The following PCDH15 variants were observed in gnomAD, a reference collection of about 807,000 sequenced individuals.
The protein encoded by PCDH15 is protocadherin-15.
PCDH15 carries 129 observed loss-of-function variants against 178.5 expected under a neutral mutation model. The ratio of observed to expected loss-of-function variants is 0.72; its 90% CI spans 0.63 to 0.84. The LOEUF is 0.84. Ranked by LOEUF, PCDH15 falls within the 40% of genes least tolerant of loss-of-function variation. PCDH15 has a pLI of 0.00. For synonymous variants in PCDH15, 800 were observed against 732.0 expected (o/e 1.09, Z -1.50); for missense variants, 2,230 against 2,099.9 (o/e 1.06, Z -1.21).
chr10:55,016,697 G>A (rs1236670535), intron 2 of PCDH15, among the ~76,000 whole-genome samples: 1 of 152,128 alleles, frequency 6.6e-6, no homozygotes, highest in Non-Finnish European at 1.5e-5. Flanking sequence ...TGTGAACAGT[G>A]TTGCAATAAA....
At chr10:55,199,752 C>T (rs1387391679) in intron 1 of PCDH15, among the ~76,000 whole-genome samples, 3 of 152,064 alleles carry the variant, frequency 2.0e-5, no homozygotes, top group South Asian at 2.1e-4. Flanking sequence ...GGACATAGCA[C>T]CCTGCATCCC....
At chr10:54,497,199 A>G (rs1379840190) in intron 3 of PCDH15, among the ~76,000 whole-genome samples, 1 of 152,010 alleles carries the variant, frequency 6.6e-6, no homozygotes, top group Non-Finnish European at 1.5e-5. Flanking sequence ...CCCTGAAAGC[A>G]TAAAGAAAGA....
At chr10:54,284,572 A>T (rs1193133182) in intron 8 of PCDH15, among the ~76,000 whole-genome samples, 2 of 152,176 alleles carry the variant, frequency 1.3e-5, no homozygotes, top group African/African-American at 4.8e-5. Context: ...CCTTTTATAG[A>T]ACGTAACATA....
intron 1 of PCDH15, among the ~76,000 whole-genome samples, chr10:54,702,323 C>T (rs1325834842): frequency 6.6e-6 from 1 of 151,504 alleles, no homozygotes; most frequent in East Asian, 1.9e-4. Context: ...CAAAAATAAA[C>T]AAACCCTAAA....
At chr10:54,771,813 C>T (rs1483641612) in intron 1 of PCDH15, among the ~76,000 whole-genome samples, 1 of 152,058 alleles carries the variant, frequency 6.6e-6, no homozygotes, top group Non-Finnish European at 1.5e-5. Context: ...CAAAAGACAT[C>T]TTTTATTTGC....
At chr10:55,275,342 AT>A (rs1194948967) in intron 1 of PCDH15, among the ~76,000 whole-genome samples, 2 of 151,830 alleles carry the variant, frequency 1.3e-5, no homozygotes, top group Admixed American at 6.6e-5. Context: ...CTGCTGTTGA[AT>A]TTATCAATTG....
rs1394050105 is a variant in PCDH15, at chr10:55,138,022, A to AT, written c.-80+28553_-80+28554insA. On this transcript the variant is annotated intron_variant, in intron 2 of 5. Transcript: ENST00000458638. The stretch of plus-strand genomic sequence containing the variant: ...TTTATTATTTTTCTTCCCTGCAGGT[A>AT]CTTTTCTAGATGCAGGTAAGTTTTG... 3.0e-4 allele frequency among the ~76,000 whole-genome samples: 45 copies of AT among 152,128 alleles called. 1 individual carries two copies. The highest frequency in any genetic ancestry group is 6.7e-4 in the African/African-American group (28 of 41,500).
At chr10:54,827,473 A>T (rs995808649) in intron 3 of PCDH15, among the ~76,000 whole-genome samples, 6 of 152,092 alleles carry the variant, frequency 3.9e-5, no homozygotes, top group Non-Finnish European at 7.4e-5. Context: ...AAGTGTCTTC[A>T]TTCTGCTAAT....
chr10:54,142,919 T>C (rs2043543582), intron 14 of PCDH15, among the ~76,000 whole-genome samples: 2 of 152,184 alleles, frequency 1.3e-5, no homozygotes, highest in Admixed American at 6.5e-5. Flanking sequence ...TGTTTTTGTT[T>C]TATTATTTTG....
At chr10:55,369,662 C>A (rs1414832733) in intron 2 of PCDH15, among the ~76,000 whole-genome samples, 2 of 151,786 alleles carry the variant, frequency 1.3e-5, no homozygotes, top group Non-Finnish European at 2.9e-5. Flanking sequence ...TACTTTGATA[C>A]CTACAAATTT....
intron 2 of PCDH15, among the ~76,000 whole-genome samples, chr10:54,537,784 T>G (rs2084744703): frequency 6.6e-6 from 1 of 152,126 alleles, no homozygotes; most frequent in Non-Finnish European, 1.5e-5. Flanking sequence ...CATCTTTTGT[T>G]TTTTGACTTC....
chr10:53,865,399 G>T (rs1467765878), intron 27 of PCDH15, among the ~76,000 whole-genome samples: 1 of 152,118 alleles, frequency 6.6e-6, no homozygotes, highest in Non-Finnish European at 1.5e-5. Context: ...CATCCTGGTA[G>T]GAACAAAAGA....
intron 3 of PCDH15, among the ~76,000 whole-genome samples, chr10:54,392,468 CAAAAAAAAAAAAA>C (rs71007849): frequency 9.1e-5 from 6 of 66,116 alleles, no homozygotes; most frequent in Admixed American, 5.8e-4. Context: ...GAGGCTGTCT[CAAAAAAAAAAAAA>C]AAAAAAAAAA....
intron 2 of PCDH15, among the ~76,000 whole-genome samples, chr10:55,042,451 A>T (rs1840888004): frequency 6.6e-6 from 1 of 152,170 alleles, no homozygotes; most frequent in South Asian, 2.1e-4. Context: ...TCATTGCAGT[A>T]ACACGATATT....
At chr10:55,513,032 C>T (rs1025388997) in intron 2 of PCDH15, 1 of 152,034 alleles carries the variant, frequency 6.6e-6, no homozygotes, top group Non-Finnish European at 1.5e-5. Flanking sequence ...CACTTAATAA[C>T]TTTGGTGATT....
intron 2 of PCDH15, among the ~76,000 whole-genome samples, chr10:55,055,770 C>A (rs1841282989): frequency 6.6e-6 from 1 of 151,988 alleles, no homozygotes; most frequent in African/African-American, 2.4e-5. Context: ...GATTGTGCCA[C>A]TGCATTCCAA....
Position 54,911,941 on chromosome 10 carries a change from T to C in PCDH15, c.-79-14441A>G, listed in dbSNP as rs560723314. ...GTCTCAAGTAGTATCTTTATAGCAG[T>C]GTAGAAAAGAACTAATACAAACATC... On this transcript the variant is annotated intron_variant, in intron 2 of 5. Transcript: ENST00000458638. Among the ~76,000 whole-genome samples the C allele has an allele frequency of 6.6e-5, 10 of 152,310 alleles. No individual in the cohort carries two copies. The East Asian group carries it at 1.7e-3, about 26-fold the overall frequency.
intron 8 of PCDH15, among the ~76,000 whole-genome samples, chr10:54,307,933 A>T (rs1344907861): frequency 6.6e-6 from 1 of 152,052 alleles, no homozygotes; most frequent in Non-Finnish European, 1.5e-5. Context: ...AACAATAGCA[A>T]ATATTGTTAA....
intron 15 of PCDH15, among the ~76,000 whole-genome samples, chr10:54,101,101 C>T (rs1233052186): frequency 6.6e-6 from 1 of 152,056 alleles, no homozygotes; most frequent in African/African-American, 2.4e-5. Context: ...GCAGGTCATT[C>T]CCATGGCTAT....
Sources: gnomAD v4.1 joint callset for allele counts (sites outside exome capture counted in the v4.1 genomes callset) on GRCh38, gnomAD v4.1.1 for gene constraint, MANE v1.5 for transcripts, NCBI Gene and HGNC (gene_info 2026-07-23, HGNC 2026-07-21) for gene names.